The following SUGCT variants were observed in gnomAD, a reference collection of about 807,000 sequenced individuals.
SUGCT encodes succinyl-CoA:glutarate CoA-transferase.
SUGCT carries 41 observed loss-of-function variants against 55.0 expected under a neutral mutation model. The ratio of observed to expected loss-of-function variants is 0.74; its 90% confidence interval spans 0.58 to 0.97. The LOEUF (loss-of-function observed/expected upper bound fraction) is 0.97, where lower values mean the gene tolerates loss of function less well. Among genes scored for constraint, SUGCT ranks in the 50% least tolerant of loss-of-function variants. The probability of loss-of-function intolerance (pLI) is 0.00; values close to 1 mark genes in which losing one functional copy is unlikely to be tolerated. For synonymous variants in SUGCT, 187 were observed against 200.4 expected (o/e 0.93, Z 0.56); for missense variants, 568 against 547.8 (o/e 1.04, Z -0.37).
chr7:40,199,415 G>A (rs561824629), intron 6 of SUGCT, among the ~76,000 whole-genome samples: 2 of 152,258 alleles, frequency 1.3e-5, no homozygotes, highest in Admixed American at 1.3e-4. Flanking sequence ...TGTTTAAACA[G>A]CTATTATTCA....
At chr7:40,797,449 A>C (rs2128748730) in intron 13 of SUGCT, among the ~76,000 whole-genome samples, 1 of 152,280 alleles carries the variant, frequency 6.6e-6, no homozygotes, top group South Asian at 2.1e-4. Flanking sequence ...TGTCTGGATT[A>C]TCGGTCACAT....
chr7:40,549,677 A>T (rs1795198773), intron 12 of SUGCT, among the ~76,000 whole-genome samples: 1 of 152,208 alleles, frequency 6.6e-6, no homozygotes, highest in African/African-American at 2.4e-5. Context: ...AGGGCCTTGA[A>T]TGATAAATAT....
At chr7:40,854,452 C>CTTTCTTTCTTTA in intron 13 of SUGCT, among the ~76,000 whole-genome samples, 1 of 141,592 alleles carries the variant, frequency 7.1e-6, no homozygotes, top group Non-Finnish European at 1.5e-5. Flanking sequence ...TTCTTTCTTT[C>CTTTCTTTCTTTA]TTTCTTTCTT....
At chr7:40,554,866 T>A (rs991921185) in intron 12 of SUGCT, among the ~76,000 whole-genome samples, 1 of 152,228 alleles carries the variant, frequency 6.6e-6, no homozygotes, top group African/African-American at 2.4e-5. Context: ...ATTTCACTCC[T>A]CTGCCTAATG....
At chr7:40,242,337 C>A (rs1283183181) in intron 7 of SUGCT, among the ~76,000 whole-genome samples, 1 of 151,976 alleles carries the variant, frequency 6.6e-6, no homozygotes, top group African/African-American at 2.4e-5. Context: ...CCATGCCTGG[C>A]TAATTTTTTT....
At chr7:40,804,599 T>A (rs1790993950) in intron 13 of SUGCT, among the ~76,000 whole-genome samples, 1 of 151,956 alleles carries the variant, frequency 6.6e-6, no homozygotes, top group African/African-American at 2.4e-5. Context: ...TTCAATGCAA[T>A]CAGCATTTGT....
chr7:40,931,995 A>G, the SUGCT span, among the ~76,000 whole-genome samples: 2 of 151,888 alleles, frequency 1.3e-5, no homozygotes, highest in Non-Finnish European at 2.9e-5. Context: ...TTGCTTCTCT[A>G]GTTCTTTTCA....
the SUGCT span, among the ~76,000 whole-genome samples, chr7:40,988,590 T>C: frequency 1.3e-5 from 2 of 152,058 alleles, no homozygotes; most frequent in African/African-American, 2.4e-5. Flanking sequence ...ATAATAATAC[T>C]GCTATAGAAA....
intron 6 of SUGCT, among the ~76,000 whole-genome samples, chr7:40,224,960 G>C (rs1788245852): frequency 1.3e-5 from 2 of 152,208 alleles, no homozygotes; most frequent in African/African-American, 4.8e-5. Context: ...TCCCATGGGA[G>C]AAGCCCCAGC....
intron 12 of SUGCT, among the ~76,000 whole-genome samples, chr7:40,737,463 A>T (rs374724592): frequency 1.2e-4 from 18 of 152,180 alleles, no homozygotes; most frequent in East Asian, 5.8e-4. Context: ...ATTTTTTCAA[A>T]TGACCACTCA....
intron 11 of SUGCT, among the ~76,000 whole-genome samples, chr7:40,492,361 G>A (rs1791733168): frequency 6.6e-6 from 1 of 152,046 alleles, no homozygotes; most frequent in African/African-American, 2.4e-5. Context: ...ATGCATCAGA[G>A]GCAAAGCGTA....
intron 8 of SUGCT, among the ~76,000 whole-genome samples, chr7:40,278,046 C>T (rs1003998569): frequency 2.0e-5 from 3 of 152,056 alleles, no homozygotes; most frequent in Admixed American, 6.6e-5. Context: ...GCATAGTGTT[C>T]CATGGTGTAT....
rs537385110 is a variant in SUGCT, at chr7:40,823,109, A to G, written c.1154-37207A>G. ...GGTATTCTAGAGCTTTTTGTTTTGC[A>G]TCAGTAAATATTTGCTGCCATTGTA... On this transcript the variant is annotated intron_variant, in intron 13 of 13. Coordinates refer to ENST00000335693, the MANE Select transcript of SUGCT (RefSeq NM_001193313.2). 2.6e-5 allele frequency among the ~76,000 whole-genome samples: 4 copies of G among 152,282 alleles called. No individual in the cohort carries two copies. The East Asian group carries it at 7.7e-4, about 29-fold the overall frequency.
the SUGCT span, among the ~76,000 whole-genome samples, chr7:41,026,640 AACATGC>A: frequency 6.6e-6 from 1 of 152,252 alleles, no homozygotes; most frequent in Non-Finnish European, 1.5e-5. Context: ...AGATAGTATT[AACATGC>A]CCATCTACGT....
intron 12 of SUGCT, among the ~76,000 whole-genome samples, chr7:40,735,331 A>G (rs1387468343): frequency 7.2e-5 from 11 of 152,102 alleles, no homozygotes. Flanking sequence ...AATAGTTGTT[A>G]TTTTTCGTAT....
At chr7:40,288,322 T>C (rs2151039044) in intron 8 of SUGCT, among the ~76,000 whole-genome samples, 1 of 152,240 alleles carries the variant, frequency 6.6e-6, no homozygotes, top group Middle Eastern at 3.4e-3. Context: ...GCCTGGGTTG[T>C]TCCCCCACTA....
chr7:40,301,486 C>A (rs1794537624), intron 8 of SUGCT, among the ~76,000 whole-genome samples: 1 of 152,208 alleles, frequency 6.6e-6, no homozygotes, highest in African/African-American at 2.4e-5. Context: ...CCTGCTGGAT[C>A]ATTTGGTCAC....
intron 6 of SUGCT, among the ~76,000 whole-genome samples, chr7:40,229,234 A>T (rs1445908068): frequency 6.6e-6 from 1 of 152,196 alleles, no homozygotes; most frequent in Non-Finnish European, 1.5e-5. Context: ...AAAAAAGAAT[A>T]TGCGCTGGGT....
chr7:40,566,845 A>T (rs1005025805), intron 12 of SUGCT, among the ~76,000 whole-genome samples: 1 of 152,178 alleles, frequency 6.6e-6, no homozygotes, highest in Non-Finnish European at 1.5e-5. Flanking sequence ...TCTATAGTTT[A>T]TTTTTAAAGA....
Sources: allele counts gnomAD v4.1 joint callset (sites outside exome capture counted in the v4.1 genomes callset), GRCh38; gene constraint gnomAD v4.1.1; transcripts MANE v1.5; gene names NCBI Gene and HGNC (gene_info 2026-07-23, HGNC 2026-07-21).